EXOC6B: variants seen among roughly 807,000 people sequenced by gnomAD.
The protein encoded by EXOC6B is SEC15 homolog B.
In EXOC6B, 54 loss-of-function variants were observed where a neutral mutation model predicts 113.5. The ratio of observed to expected loss-of-function variants is 0.48; its 90% CI spans 0.38 to 0.60. EXOC6B has a LOEUF of 0.60. Ranked by LOEUF, EXOC6B falls within the 20% of genes least tolerant of loss-of-function variation. The pLI, the probability that EXOC6B is intolerant of heterozygous loss-of-function variation, is 0.00. For missense variants in EXOC6B, 797 were observed against 977.5 expected (o/e 0.82, Z 2.46); for synonymous variants, 357 against 339.0 (o/e 1.05, Z -0.58).
At chr2:72,278,119 A>G (rs1401110476) in intron 20 of EXOC6B, among the ~76,000 whole-genome samples, 2 of 152,208 alleles carry the variant, frequency 1.3e-5, no homozygotes, top group Non-Finnish European at 2.9e-5. Context: ...TCTGCTTCAG[A>G]TAGGAAAAAT....
In EXOC6B at chr2:72,825,775, T is replaced by C. The variant is rs371609908; in HGVS notation, c.113+23A>G. 3.3e-5 allele frequency: 49 copies of C among 1,482,792 alleles called. No individual in the cohort carries two copies. Among genetic ancestry groups the C allele is most frequent in the Middle Eastern group, 3.7e-4 (2 of 5,422 alleles). 91.9% of individuals were successfully genotyped at this position (1,482,792 alleles called of 1,614,324 possible). Reference sequence around the variant, plus strand: ...CCCGTCCCGCCCGTTCCCGCCCCTCTGTGGTCCCGGCACCCGGGGTACCTG... The same window carrying C: ...CCCGTCCCGCCCGTTCCCGCCCCTCCGTGGTCCCGGCACCCGGGGTACCTG... On this transcript the variant is annotated intron_variant, in intron 1 of 21. Coordinates refer to ENST00000272427, the MANE Select transcript of EXOC6B (RefSeq NM_015189.3). The surrounding 1 kb of genome is among the most constrained non-coding windows in gnomAD (Gnocchi z 4.4).
chr2:72,283,065 T>C (rs1685225422), intron 20 of EXOC6B, among the ~76,000 whole-genome samples: 1 of 152,152 alleles, frequency 6.6e-6, no homozygotes, highest in African/African-American at 2.4e-5. Context: ...TTGATTTAAT[T>C]GATGTCTATA....
intron 19 of EXOC6B, among the ~76,000 whole-genome samples, chr2:72,348,404 C>T (rs1171290671): frequency 6.6e-6 from 1 of 152,112 alleles, no homozygotes; most frequent in Non-Finnish European, 1.5e-5. Context: ...ATGTTGCCCT[C>T]TTAGATAATG....
chr2:72,360,814 AG>A (rs2104981959), intron 19 of EXOC6B, among the ~76,000 whole-genome samples: 1 of 151,924 alleles, frequency 6.6e-6, no homozygotes, highest in South Asian at 2.1e-4. Flanking sequence ...ATGCAAGGAT[AG>A]TAAAAGAAAT....
chr2:72,367,420 C>A (rs1279870400), intron 19 of EXOC6B, among the ~76,000 whole-genome samples: 1 of 152,004 alleles, frequency 6.6e-6, no homozygotes, highest in African/African-American at 2.4e-5. Context: ...GATTTAAGCC[C>A]AATCATACTG....
chr2:72,756,373 C>G (rs970039656), intron 1 of EXOC6B, among the ~76,000 whole-genome samples: 11 of 152,096 alleles, frequency 7.2e-5, no homozygotes, highest in Non-Finnish European at 1.0e-4. Context: ...ACAGCTAAGT[C>G]GATTTATAAC....
chr2:72,625,730 T>G (rs1476098511), intron 6 of EXOC6B, among the ~76,000 whole-genome samples: 3 of 152,222 alleles, frequency 2.0e-5, no homozygotes, highest in Non-Finnish European at 4.4e-5. Flanking sequence ...GGTCTTTTAC[T>G]GAATTGTATA....
chr2:72,211,202 A>G (rs1036137722), intron 20 of EXOC6B, among the ~76,000 whole-genome samples: 21 of 152,298 alleles, frequency 1.4e-4, no homozygotes, highest in African/African-American at 5.1e-4. Flanking sequence ...TTAGTGACGT[A>G]CTGACAGGTG....
At chr2:72,619,760 T>C (rs1387514571) in intron 6 of EXOC6B, among the ~76,000 whole-genome samples, 3 of 152,282 alleles carry the variant, frequency 2.0e-5, no homozygotes, top group Middle Eastern at 3.4e-3. Context: ...CAGCTCACTC[T>C]CACAACAGAC....
At chr2:72,248,947 T>A (rs973479697) in intron 20 of EXOC6B, among the ~76,000 whole-genome samples, 1 of 152,186 alleles carries the variant, frequency 6.6e-6, no homozygotes, top group South Asian at 2.1e-4. Context: ...ATCAAATTTC[T>A]AGTTTCAACA....
intron 19 of EXOC6B, among the ~76,000 whole-genome samples, chr2:72,342,770 T>TCAA (rs923553463): frequency 8.6e-5 from 13 of 151,136 alleles, no homozygotes; most frequent in East Asian, 2.0e-4. Flanking sequence ...TCTGAAAATA[T>TCAA]CAACAACAAC....
At chr2:72,271,328 T>C (rs925660845) in intron 20 of EXOC6B, among the ~76,000 whole-genome samples, 1 of 152,166 alleles carries the variant, frequency 6.6e-6, no homozygotes, top group African/African-American at 2.4e-5. Context: ...CCTAGCCTTT[T>C]GAATATCTTG....
intron 21 of EXOC6B, among the ~76,000 whole-genome samples, chr2:72,179,825 T>C (rs1677973596): frequency 6.6e-6 from 1 of 152,178 alleles, no homozygotes; most frequent in African/African-American, 2.4e-5. Flanking sequence ...TTATAGAATG[T>C]CTAGGATCCA....
chr2:72,185,312 T>C (rs1678350676), intron 20 of EXOC6B, among the ~76,000 whole-genome samples: 3 of 152,366 alleles, frequency 2.0e-5, no homozygotes, highest in Admixed American at 2.0e-4. Flanking sequence ...TGCCAGAGCC[T>C]GGGCTCTAGG....
intron 1 of EXOC6B, among the ~76,000 whole-genome samples, chr2:72,754,228 C>T (rs1204978988): frequency 6.6e-6 from 1 of 152,088 alleles, no homozygotes; most frequent in African/African-American, 2.4e-5. Flanking sequence ...ACACAAGAAA[C>T]TGCTTTGGTT....
chr2:72,559,932 C>T (rs1377257577), intron 7 of EXOC6B, among the ~76,000 whole-genome samples: 3 of 152,110 alleles, frequency 2.0e-5, no homozygotes, highest in African/African-American at 4.8e-5. Context: ...TAGTCAAAAA[C>T]AAAACTTGCC....
At chr2:72,709,703 T>C (rs867779858) in intron 6 of EXOC6B, among the ~76,000 whole-genome samples, 2 of 152,106 alleles carry the variant, frequency 1.3e-5, no homozygotes, top group Non-Finnish European at 2.9e-5. Flanking sequence ...TTCTAATCTT[T>C]GTTTTTGTAT....
intron 6 of EXOC6B, among the ~76,000 whole-genome samples, chr2:72,682,074 T>C (rs535185164): frequency 2.0e-5 from 3 of 150,772 alleles, no homozygotes; most frequent in Non-Finnish European, 4.4e-5. Flanking sequence ...TCAGTTACAA[T>C]GGCTGGTTAA....
intron 8 of EXOC6B, among the ~76,000 whole-genome samples, chr2:72,517,335 A>C (rs1373625356): frequency 6.6e-6 from 1 of 152,172 alleles, no homozygotes. Flanking sequence ...GGCCCTTCAG[A>C]AACAGGCAAC....
Sources: gnomAD v4.1 joint callset for allele counts (sites outside exome capture counted in the v4.1 genomes callset) on GRCh38, gnomAD v4.1.1 for gene constraint, Gnocchi (gnomAD v3.1) non-coding constraint, MANE v1.5 for transcripts, NCBI Gene and HGNC (gene_info 2026-07-23, HGNC 2026-07-21) for gene names.